The following MEF2C variants were observed in gnomAD, a reference collection of about 807,000 sequenced individuals.
The protein encoded by MEF2C is myocyte enhancer factor 2C, also known as myocyte-specific enhancer factor 2C.
MEF2C carries 6 observed loss-of-function variants against 50.5 expected under a neutral mutation model. That is an observed-to-expected ratio of 0.12 (90% CI 0.07 to 0.23). The LOEUF (loss-of-function observed/expected upper bound fraction) is 0.23, where lower values mean the gene tolerates loss of function less well. Ranked by LOEUF, MEF2C falls within the 10% of genes least tolerant of loss-of-function variation. MEF2C has a pLI of 1.00. For synonymous variants in MEF2C, 183 were observed against 228.0 expected (o/e 0.80, Z 1.78); for missense variants, 276 against 605.0 (o/e 0.46, Z 5.70).
At position 88,721,402 on chromosome 5, in the gene MEF2C, T is replaced by C. The variant is rs1423516877; in HGVS notation, c.*1202A>G. On this transcript the variant is annotated 3_prime_UTR_variant, in exon 11 of 11. Transcript: ENST00000504921. Reference sequence around the variant, plus strand: ...GATTGCTAATGTATTAAAAACAATTTAGGGTGTTGCAATGTGATATGTTCT... The same window carrying C: ...GATTGCTAATGTATTAAAAACAATTCAGGGTGTTGCAATGTGATATGTTCT... 6.6e-6 allele frequency: 1 copy of C among 152,628 alleles called. No individual in the cohort carries two copies. The highest frequency in any genetic ancestry group is 1.5e-5 in the Non-Finnish European group (1 of 68,034). The allele number at this position is 152,628 out of a possible 1,614,324, so 9.5% of individuals were successfully genotyped here.
intron 2 of MEF2C, among the ~76,000 whole-genome samples, chr5:88,813,991 T>C (rs1043283262): frequency 5.9e-5 from 9 of 151,932 alleles, no homozygotes; most frequent in African/African-American, 9.7e-5. Context: ...TTCCTCCCAG[T>C]TGAGGAAACA....
At chr5:88,888,496 T>C (rs2150194891) in intron 1 of MEF2C, among the ~76,000 whole-genome samples, 1 of 152,366 alleles carries the variant, frequency 6.6e-6, no homozygotes, top group East Asian at 1.9e-4. Flanking sequence ...CCAGTTTTAC[T>C]TTATGGGTGT....
intron 1 of MEF2C, among the ~76,000 whole-genome samples, chr5:88,837,590 C>G (rs950815681): frequency 7.9e-5 from 12 of 152,006 alleles, no homozygotes; most frequent in African/African-American, 2.9e-4. Context: ...CTCTAAGACC[C>G]CTTTCAAGTT....
intron 1 of MEF2C, among the ~76,000 whole-genome samples, chr5:88,893,455 T>G (rs1263373200): frequency 6.6e-6 from 1 of 151,996 alleles, no homozygotes; most frequent in Non-Finnish European, 1.5e-5. Context: ...ACTCCTGACC[T>G]GAGGTAATCC....
intron 1 of MEF2C, among the ~76,000 whole-genome samples, chr5:88,837,300 C>T (rs991060843): frequency 1.2e-4 from 18 of 149,730 alleles, no homozygotes; most frequent in Non-Finnish European, 1.8e-4. Context: ...CAATGGAAAA[C>T]TTTTTTTTTT....
intron 1 of MEF2C, among the ~76,000 whole-genome samples, chr5:88,867,520 A>C (rs533215031): frequency 3.9e-5 from 6 of 152,348 alleles, no homozygotes; most frequent in Admixed American, 2.0e-4. Flanking sequence ...GAATTAATGC[A>C]TATAAAACTT....
At chr5:88,892,617 G>T (rs1834712954) in intron 1 of MEF2C, among the ~76,000 whole-genome samples, 1 of 152,194 alleles carries the variant, frequency 6.6e-6, no homozygotes, top group Non-Finnish European at 1.5e-5. Context: ...TGACTTAAGT[G>T]TACAGGTTGC....
intron 6 of MEF2C, 149 bp from the exon 7 acceptor site, chr5:88,732,050 A>G: frequency 1.4e-6 from 1 of 723,856 alleles, no homozygotes; most frequent in Non-Finnish European, 2.2e-6. Flanking sequence ...TCCATGGGAC[A>G]AGTAACCCAA....
intron 3 of MEF2C, among the ~76,000 whole-genome samples, chr5:88,765,943 A>G (rs1779853426): frequency 6.6e-6 from 1 of 152,204 alleles, no homozygotes; most frequent in African/African-American, 2.4e-5. Context: ...TCCATCAACT[A>G]CAGAGGCTTC....
chr5:88,726,525 C>CAG (rs1247064935), intron 10 of MEF2C, among the ~76,000 whole-genome samples: 1 of 151,762 alleles, frequency 6.6e-6, no homozygotes. Flanking sequence ...GTGTGTGAAG[C>CAG]AGAGAGAGAG....
chr5:88,743,600 A>G, intron 6 of MEF2C: 1 of 981,614 alleles, frequency 1.0e-6, no homozygotes, highest in Non-Finnish European at 1.2e-6. Context: ...TTGTAAAAAT[A>G]TTTGTTTCTT....
At chr5:88,776,655 G>A (rs1334708748) in intron 3 of MEF2C, among the ~76,000 whole-genome samples, 2 of 152,154 alleles carry the variant, frequency 1.3e-5, no homozygotes, top group Non-Finnish European at 1.5e-5. Flanking sequence ...AAGGGAGGGA[G>A]GGAGAGAGGG....
rs1363064582 is a variant in MEF2C at position 88,729,219 on chromosome 5, G to A, written c.963C>T (p.Thr321=). 5.0e-6 allele frequency: 8 copies of A among 1,612,938 alleles called. No individual in the cohort carries two copies. Among genetic ancestry groups the A allele is most frequent in the South Asian group, 3.3e-5 (3 of 91,042 alleles). The change falls in exon 9 of 11, where the codon ACC becomes ACT. Residue 321 remains threonine, a splice_region_variant and synonymous_variant. Coordinates refer to ENST00000504921, the MANE Select transcript of MEF2C (RefSeq NM_002397.5). The stretch of plus-strand genomic sequence containing the variant: ...ATTGCACATGACAAAGCTACTCACC[G>A]GTACCATATGTTGTTGAAATGGCTG... ...YPSAISTTYG[T]EYSLSSADLS...
chr5:88,729,528 G>T, intron 8 of MEF2C, 181 bp from the exon 9 acceptor site: 1 of 601,942 alleles, frequency 1.7e-6, no homozygotes, highest in Non-Finnish European at 2.9e-6. Flanking sequence ...CAAGAGACCA[G>T]CTGTTGCCAT....
chr5:88,852,717 T>C (rs1363718052), intron 1 of MEF2C, among the ~76,000 whole-genome samples: 1 of 152,092 alleles, frequency 6.6e-6, no homozygotes, highest in African/African-American at 2.4e-5. Context: ...CGTTTTTGTA[T>C]TTTTAGGAGA....
rs570663838 is a variant in MEF2C, at chr5:88,882,397, C to G, written c.-143+558G>C. ...TTGTCCACACCAATTAAGAAGCCCTCTGTCAAGCCGGCACTTTGGTGAGGG... is the reference window on the plus strand; with the variant it reads ...TTGTCCACACCAATTAAGAAGCCCTGTGTCAAGCCGGCACTTTGGTGAGGG... On this transcript the variant is annotated intron_variant, in intron 1 of 10. Transcript: ENST00000504921. Among the ~76,000 whole-genome samples, 8 of 152,330 alleles carry G rather than the reference C, an allele frequency of 5.3e-5. No homozygotes were observed. In the East Asian group the frequency reaches 1.5e-3, roughly 29 times the overall value.
intron 1 of MEF2C, among the ~76,000 whole-genome samples, chr5:88,895,383 T>C (rs554753296): frequency 6.6e-6 from 1 of 152,326 alleles, no homozygotes; most frequent in African/African-American, 2.4e-5. Flanking sequence ...GGTATTCTTA[T>C]TGGATTTCAT....
intron 6 of MEF2C, chr5:88,743,001 T>C (rs1767573436): frequency 2.1e-6 from 2 of 974,064 alleles, no homozygotes; most frequent in Non-Finnish European, 2.4e-6. Context: ...TACTTATGTT[T>C]TGGGTGAACT....
At chr5:88,751,655 G>A (rs748408061) in intron 5 of MEF2C, among the ~76,000 whole-genome samples, 81 of 152,244 alleles carry the variant, frequency 5.3e-4, no homozygotes, top group Middle Eastern at 6.8e-3. Flanking sequence ...AAAGATAAAC[G>A]GCAGATTATG....
Sources: allele counts gnomAD v4.1 joint callset (sites outside exome capture counted in the v4.1 genomes callset), GRCh38; gene constraint gnomAD v4.1.1; transcripts MANE v1.5; gene names NCBI Gene and HGNC (gene_info 2026-07-23, HGNC 2026-07-21).